TENM3: variants seen among roughly 807,000 people sequenced by gnomAD.
TENM3 encodes the protein teneurin-3.
In TENM3, 63 loss-of-function variants were observed where a neutral mutation model predicts 255.1. The observed-to-expected ratio is 0.25, with a 90% CI of 0.20 to 0.30. TENM3 has a LOEUF of 0.30. TENM3 is among the 10% of genes least tolerant of loss of function. TENM3 has a pLI of 1.00. For synonymous variants in TENM3, 1,306 were observed against 1,322.3 expected (o/e 0.99, Z 0.27); for missense variants, 2,929 against 3,461.1 (o/e 0.85, Z 3.86).
chr4:182,519,310 A>G (rs1048061934), intron 3 of TENM3, among the ~76,000 whole-genome samples: 1 of 152,234 alleles, frequency 6.6e-6, no homozygotes, highest in Non-Finnish European at 1.5e-5. Flanking sequence ...GTGGGTATTA[A>G]AAAGTTACGA....
At chr4:181,674,716 G>A in the TENM3 span, among the ~76,000 whole-genome samples, 31 of 152,078 alleles carry the variant, frequency 2.0e-4, no homozygotes, top group African/African-American at 7.0e-4. Flanking sequence ...TGAGTAGACA[G>A]CACTACTCCA....
chr4:182,247,344 G>A (rs1757721205), intron 1 of TENM3, among the ~76,000 whole-genome samples: 1 of 152,158 alleles, frequency 6.6e-6, no homozygotes, highest in African/African-American at 2.4e-5. Flanking sequence ...CATGATAAAT[G>A]TCTGATTATT....
chr4:181,674,185 A>G, the TENM3 span, among the ~76,000 whole-genome samples: 8,380 of 152,170 alleles, frequency 0.055, 329 homozygotes, highest in Middle Eastern at 0.16. Context: ...TTTTGTAGAT[A>G]CAGGGTTTCA....
chr4:181,526,470 C>T, the TENM3 span, among the ~76,000 whole-genome samples: 3 of 152,156 alleles, frequency 2.0e-5, no homozygotes, highest in African/African-American at 4.8e-5. Flanking sequence ...AGTTTTATAA[C>T]GTGATTGAAA....
intron 1 of TENM3, among the ~76,000 whole-genome samples, chr4:182,322,973 C>G (rs776326659): frequency 7.2e-5 from 11 of 152,052 alleles, no homozygotes; most frequent in Non-Finnish European, 1.6e-4. Context: ...ACACGAAGGG[C>G]TGAAGATAAA....
chr4:182,379,570 T>C (rs1393941595), intron 3 of TENM3, among the ~76,000 whole-genome samples: 1 of 149,838 alleles, frequency 6.7e-6, no homozygotes, highest in Non-Finnish European at 1.5e-5. Flanking sequence ...TAGTGAAGAG[T>C]CACTGAAGAT....
chr4:181,900,298 AAT>A, the TENM3 span, among the ~76,000 whole-genome samples: 2 of 152,230 alleles, frequency 1.3e-5, no homozygotes, highest in Non-Finnish European at 2.9e-5. Flanking sequence ...ATTAAGTAAA[AAT>A]ATGTCATCTT....
chr4:182,323,500 A>G (rs1228040502), intron 1 of TENM3, among the ~76,000 whole-genome samples: 1 of 152,136 alleles, frequency 6.6e-6, no homozygotes, highest in Non-Finnish European at 1.5e-5. Flanking sequence ...TGCTCTTTAG[A>G]ATACATTGAA....
chr4:182,100,860 CATAT>C, the TENM3 span, among the ~76,000 whole-genome samples: 32,578 of 34,378 alleles, frequency 0.95, 15,585 homozygotes, highest in East Asian at 0.99. Context: ...TATATATACT[CATAT>C]ATATATATAT....
chr4:182,438,633 C>A (rs2151238813), intron 3 of TENM3, among the ~76,000 whole-genome samples: 1 of 152,148 alleles, frequency 6.6e-6, no homozygotes, highest in South Asian at 2.1e-4. Context: ...AGAATACAAC[C>A]AAAAAAGATG....
chr4:182,696,074 T>G (rs1274719521), intron 12 of TENM3, among the ~76,000 whole-genome samples: 1 of 152,132 alleles, frequency 6.6e-6, no homozygotes, highest in Admixed American at 6.5e-5. Flanking sequence ...AACATAAAAC[T>G]CAAAATAGTC....
chr4:182,164,432 C>A (rs1347194710), intron 1 of TENM3, among the ~76,000 whole-genome samples: 1 of 152,132 alleles, frequency 6.6e-6, no homozygotes, highest in Non-Finnish European at 1.5e-5. Flanking sequence ...TGTCTTCCAC[C>A]CCTGCCATTC....
intron 2 of TENM3, among the ~76,000 whole-genome samples, chr4:182,333,285 C>T (rs2150564916): frequency 6.6e-6 from 1 of 152,286 alleles, no homozygotes; most frequent in East Asian, 1.9e-4. Context: ...GCTTCACCTA[C>T]CAAAACTGCT....
the TENM3 span, among the ~76,000 whole-genome samples, chr4:181,704,181 T>A: frequency 6.6e-6 from 1 of 152,174 alleles, no homozygotes; most frequent in South Asian, 2.1e-4. Flanking sequence ...CGCGTTTGTA[T>A]TTTCCCTTTC....
chr4:182,463,148 C>T (rs979665267), intron 3 of TENM3, among the ~76,000 whole-genome samples: 5 of 151,886 alleles, frequency 3.3e-5, no homozygotes, highest in South Asian at 4.2e-4. Flanking sequence ...AAGGGTCAAC[C>T]GTAGTTGAAA....
At chr4:181,972,275 C>T in the TENM3 span, among the ~76,000 whole-genome samples, 1 of 151,476 alleles carries the variant, frequency 6.6e-6, no homozygotes, top group Non-Finnish European at 1.5e-5. Flanking sequence ...AAAAATTAGC[C>T]AGGCATGGTG....
At chr4:181,526,840 C>T in the TENM3 span, among the ~76,000 whole-genome samples, 13 of 152,250 alleles carry the variant, frequency 8.5e-5, no homozygotes, top group East Asian at 3.9e-4. Context: ...CCTTTTTCTC[C>T]GAGCTTCTCT....
chr4:182,563,249 G>A (rs1743400839), intron 3 of TENM3, among the ~76,000 whole-genome samples: 2 of 152,012 alleles, frequency 1.3e-5, no homozygotes, highest in Non-Finnish European at 2.9e-5. Flanking sequence ...CATATGTAGA[G>A]ACAAAATGCC....
intron 1 of TENM3, among the ~76,000 whole-genome samples, chr4:182,149,895 AAC>A (rs1231802294): frequency 2.6e-5 from 4 of 152,072 alleles, no homozygotes. Flanking sequence ...AGCATGCAAA[AAC>A]ACAGTGATAC....
Sources: allele counts gnomAD v4.1 joint callset (sites outside exome capture counted in the v4.1 genomes callset), GRCh38; gene constraint gnomAD v4.1.1; transcripts MANE v1.5; gene names NCBI Gene and HGNC (gene_info 2026-07-23, HGNC 2026-07-21).